Variants in VWA3A observed in about 807,000 individuals in gnomAD.
The protein encoded by VWA3A is von Willebrand factor A domain-containing protein 3A.
VWA3A carries 134 observed loss-of-function variants against 160.4 expected under a neutral mutation model. That is an observed-to-expected ratio of 0.84 (90% confidence interval 0.73 to 0.96). The LOEUF (loss-of-function observed/expected upper bound fraction) is 0.96, where lower values mean the gene tolerates loss of function less well. Ranked by LOEUF, VWA3A falls within the 40% of genes least tolerant of loss-of-function variation. The probability of loss-of-function intolerance (pLI) is 0.00; values close to 1 mark genes in which losing one functional copy is unlikely to be tolerated. For synonymous variants in VWA3A, 476 were observed against 543.4 expected, an observed-to-expected ratio of 0.88 and a Z score of 1.72; for missense variants, 1,310 against 1,447.9, an observed-to-expected ratio of 0.90 and a Z score of 1.55.
chr16:22,101,971 T>G (rs1598046095), intron 5 of VWA3A, among the ~76,000 whole-genome samples: 2 of 152,330 alleles, frequency 1.3e-5, no homozygotes, highest in East Asian at 3.9e-4. Context: ...ATGGTGAAAC[T>G]GGGGCTCAGA....
intron 11 of VWA3A, among the ~76,000 whole-genome samples, chr16:22,118,253 C>A (rs2045676930): frequency 6.6e-6 from 1 of 152,066 alleles, no homozygotes; most frequent in Non-Finnish European, 1.5e-5. Flanking sequence ...TGCACTCTAG[C>A]CTGAGTGACA....
chr16:22,131,256 C>T lies in VWA3A; in HGVS notation c.1704C>T (p.His568=). 1 of 1,613,974 alleles carries T rather than the reference C, an allele frequency of 6.2e-7. No individual in the cohort carries two copies. Among genetic ancestry groups the T allele is most frequent in the Non-Finnish European group, 8.5e-7 (1 of 1,179,902 alleles). ...SWRPEMVPVS[H]NNLQSAWRWA... ...GGCCTGAGATGGTTCCCGTGAGTCA[C>T]AACAATTTACAAAGTGCCTGGCGGT... is the stretch of plus-strand genomic sequence containing the variant. The change falls in exon 18 of 34, where the codon CAC becomes CAT. Residue 568 remains histidine (H), a synonymous_variant. Transcript: ENST00000389398.
intron 3 of VWA3A, 68 bp from the exon 4 acceptor site, chr16:22,100,124 CTG>C (rs1019034189): frequency 5.6e-5 from 82 of 1,461,926 alleles, no homozygotes; most frequent in Admixed American, 1.9e-4. Context: ...CGTTGGGTAT[CTG>C]TGTGAAGGGA....
intron 19 of VWA3A, among the ~76,000 whole-genome samples, chr16:22,132,416 CAT>C (rs1041809277): frequency 9.9e-5 from 15 of 151,778 alleles, no homozygotes; most frequent in Non-Finnish European, 1.6e-4. Context: ...GGTGTGGTGA[CAT>C]GTGCCTGTAG....
In VWA3A at chr16:22,150,471, A is replaced by T. The variant is rs575141861; in HGVS notation, c.3130-224A>T. Among the ~76,000 whole-genome samples the T allele has an allele frequency of 7.6e-4, 116 of 152,308 alleles. 1 individual carries two copies. Among genetic ancestry groups the T allele is most frequent in the African/African-American group, 2.6e-3 (108 of 41,580 alleles). On this transcript the variant is annotated intron_variant, in intron 29 of 33. Coordinates refer to ENST00000389398, the MANE Select transcript of VWA3A (RefSeq NM_173615.5). Reference sequence around the variant, plus strand: ...AGAGAGGTTAAGTGACTTGCTTGGGATTAACCAGCTAGGCAGTGAACCATG... The same window carrying T: ...AGAGAGGTTAAGTGACTTGCTTGGGTTTAACCAGCTAGGCAGTGAACCATG...
rs762920080 is a variant in VWA3A at position 22,150,794 on chromosome 16, A to C, written c.3229A>C (p.Arg1077=). Residue 1077 remains arginine (R), a synonymous_variant, in exon 30 of 34, where the codon AGG becomes CGG. Coordinates refer to ENST00000389398, the MANE Select transcript of VWA3A (RefSeq NM_173615.5). ...TGTCCTAAATGAAGTCCAAAAACTCAGGGAGAAAAGAGATGTGAAAGTGCA... is the reference window on the plus strand; with the variant it reads ...TGTCCTAAATGAAGTCCAAAAACTCCGGGAGAAAAGAGATGTGAAAGTGCA... The part of the protein sequence containing the change: ...SLVLNEVQKL[R]EKRDVKVHTI... 2 of 1,613,416 alleles carry C rather than the reference A, an allele frequency of 1.2e-6. No homozygotes were observed. The highest frequency in any genetic ancestry group is 4.5e-5 in the East Asian group (2 of 44,866).
chr16:22,154,751 G>A (rs985536317), intron 31 of VWA3A, among the ~76,000 whole-genome samples: 5 of 148,548 alleles, frequency 3.4e-5, no homozygotes, highest in Admixed American at 6.7e-5. Context: ...TCAGGAGATC[G>A]AGACCATCCT....
In VWA3A at chr16:22,148,161, G is replaced by T; in HGVS notation, c.2840-1G>T. On this transcript the variant is annotated splice_acceptor_variant, in intron 27 of 33. Coordinates refer to ENST00000389398, the MANE Select transcript of VWA3A (RefSeq NM_173615.5). LOFTEE classifies it high-confidence loss of function. ...CCTCTTCCCCACCTGTCTCGGAGCA[G>T]GGAGCCGCCGACTGTTTGGCACCGT... 3 of 1,597,170 alleles carry T rather than the reference G, an allele frequency of 1.9e-6. No homozygotes were observed. The highest frequency in any genetic ancestry group is 2.6e-6 in the Non-Finnish European group (3 of 1,172,108).
At chr16:22,094,967 CAAA>C (rs565358806) in intron 1 of VWA3A, among the ~76,000 whole-genome samples, 2 of 66,018 alleles carry the variant, frequency 3.0e-5, no homozygotes, top group Non-Finnish European at 6.1e-5. Context: ...GACTCCGTCT[CAAA>C]AAAAAAAAAA....
chr16:22,097,417 A>G (rs1205231040), intron 2 of VWA3A, among the ~76,000 whole-genome samples, 155 bp from the exon 3 acceptor site: 1 of 152,174 alleles, frequency 6.6e-6, no homozygotes, highest in Non-Finnish European at 1.5e-5. Context: ...TGGAGTCCAC[A>G]TTTTATCAGG....
At chr16:22,128,685 C>A (rs1447231754) in intron 17 of VWA3A, among the ~76,000 whole-genome samples, 1 of 152,140 alleles carries the variant, frequency 6.6e-6, no homozygotes, top group Non-Finnish European at 1.5e-5. Context: ...AATGTAAATG[C>A]CCAGCAGTGG....
At position 22,155,942 on chromosome 16, in the gene VWA3A, C is replaced by T. The variant is rs767542617; in HGVS notation, c.*14+26C>T. 1.1e-5 allele frequency: 18 copies of T among 1,610,150 alleles called. No individual in the cohort carries two copies. The South Asian group carries it at 1.9e-4, about 17-fold the overall frequency. ...GTAAGGGGAGGGGCTAGACCCCATA[C>T]TACCTGAGTGTGCACTAAGCACCAA... On this transcript the variant is annotated intron_variant, in intron 33 of 33. Coordinates refer to ENST00000389398, the MANE Select transcript of VWA3A (RefSeq NM_173615.5).
At chr16:22,132,722 C>T in intron 19 of VWA3A, 178 bp from the exon 20 acceptor site, 1 of 619,726 alleles carries the variant, frequency 1.6e-6, no homozygotes, top group South Asian at 2.3e-5. Flanking sequence ...CCCAACCACA[C>T]TCTGTTAAAA....
chr16:22,117,167 A>G lies in VWA3A; in HGVS notation c.981A>G (p.Pro327=). ...AVRGYYHCYS[P]KMEHYTSRDM... is the part of the protein sequence containing the mutation. Reference sequence around the variant, plus strand: ...GGGGCTACTACCACTGCTACAGCCCAAAGATGGAGGTAAGCCCTTCTGTCA... The same window carrying G: ...GGGGCTACTACCACTGCTACAGCCCGAAGATGGAGGTAAGCCCTTCTGTCA... Residue 327 remains proline, a synonymous_variant, in exon 11 of 34, where the codon CCA becomes CCG. Coordinates refer to ENST00000389398, the MANE Select transcript of VWA3A (RefSeq NM_173615.5). 1 of 1,579,950 alleles carries G rather than the reference A, an allele frequency of 6.3e-7. No individual in the cohort carries two copies. Among genetic ancestry groups the G allele is most frequent in the South Asian group, 1.2e-5 (1 of 85,776 alleles).
intron 14 of VWA3A, among the ~76,000 whole-genome samples, chr16:22,122,135 G>A (rs1459021189): frequency 7.1e-6 from 1 of 140,946 alleles, no homozygotes; most frequent in African/African-American, 2.5e-5. Context: ...ATGGATGGAT[G>A]GATGGATGGA....
In VWA3A at chr16:22,150,697, A is replaced by C. The variant is rs775189193; in HGVS notation, c.3132A>C (p.Lys1044Asn). The change falls in exon 30 of 34, where the codon AAA (lysine) becomes AAC (asparagine). Residue 1044 changes from lysine (K) to asparagine (N), a missense_variant and splice_region_variant. Physicochemically the swap from Lys to Asn is moderately conservative, Grantham distance 94. Transcript: ENST00000389398. ...ACAGCCTTCCTGCGTTCTTTCAGAA[A>C]GCTTTCAGTTTCCATGATCTGGAAG... ...GSTSILQALL[K>N]AFSFHDLEGL... The C allele has an allele frequency of 3.1e-6, 5 of 1,606,982 alleles. No individual in the cohort carries two copies. The highest frequency in any genetic ancestry group is 4.2e-6 in the Non-Finnish European group (5 of 1,176,614).
Position 22,100,627 on chromosome 16 carries a change from G to C in VWA3A, c.428+134G>C, listed in dbSNP as rs1431586639. 6 of 829,400 alleles carry C rather than the reference G, an allele frequency of 7.2e-6. No individual in the cohort carries two copies. In the African/African-American group the frequency reaches 8.5e-5, roughly 12 times the overall value. The allele number at this position is 829,400 out of a possible 1,614,324, so 51.4% of individuals were successfully genotyped here. A position where few individuals can be genotyped will look rare whatever the true frequency, so the allele number is the denominator to read the frequency against. On this transcript the variant is annotated intron_variant, in intron 5 of 33. Coordinates refer to ENST00000389398, the MANE Select transcript of VWA3A (RefSeq NM_173615.5). Reference sequence around the variant, plus strand: ...AGGCAGGTGGATCACTTGAGGTCAAGAGTTTGAAACCAGGCTGGCCAACAT... The same window carrying C: ...AGGCAGGTGGATCACTTGAGGTCAACAGTTTGAAACCAGGCTGGCCAACAT...
At chr16:22,150,258 G>A (rs1039594383) in intron 29 of VWA3A, among the ~76,000 whole-genome samples, 3 of 152,228 alleles carry the variant, frequency 2.0e-5, no homozygotes, top group East Asian at 1.9e-4. Context: ...AAGATTAGCC[G>A]GGCGTGGTGG....
Position 22,156,092 on chromosome 16 carries a change from A to G in VWA3A, c.*75A>G, listed in dbSNP as rs2046436510. On this transcript the variant is annotated 3_prime_UTR_variant, in exon 34 of 34. Transcript: ENST00000389398. The stretch of plus-strand genomic sequence containing the variant: ...ATCTCAGCCCCGAGGGCAGGATGGG[A>G]TGAAATGCTGTGACCTGCAGGAAAC... 4.5e-6 allele frequency: 3 copies of G among 666,508 alleles called. No homozygotes were observed. The highest frequency in any genetic ancestry group is 3.0e-5 in the Admixed American group (1 of 33,884). 41.3% of individuals were successfully genotyped at this position (666,508 alleles called of 1,614,324 possible). A position where few individuals can be genotyped will look rare whatever the true frequency, so the allele number is the denominator to read the frequency against.
Sources: allele counts gnomAD v4.1 joint callset (sites outside exome capture counted in the v4.1 genomes callset), GRCh38; gene constraint gnomAD v4.1.1; transcripts MANE v1.5; gene names NCBI Gene and HGNC (gene_info 2026-07-23, HGNC 2026-07-21).